RALGAPA2: variants seen among roughly 807,000 people sequenced by gnomAD.
The protein encoded by RALGAPA2 is Ral GTPase activating protein catalytic subunit alpha 2.
Under a neutral mutation model 230.4 loss-of-function variants are expected in RALGAPA2, and 139 were observed. That is an observed-to-expected ratio of 0.60 (90% CI 0.53 to 0.69). The LOEUF (loss-of-function observed/expected upper bound fraction) is 0.69. RALGAPA2 is among the 30% of genes least tolerant of loss of function. RALGAPA2 has a pLI of 0.00. For missense variants in RALGAPA2, 2,163 were observed against 2,276.0 expected, an observed-to-expected ratio of 0.95 and a Z score of 1.01; for synonymous variants, 847 against 837.8, an observed-to-expected ratio of 1.01 and a Z score of -0.19.
chr20:20,643,859 T>A (rs1487623026), intron 4 of RALGAPA2, among the ~76,000 whole-genome samples: 2 of 152,118 alleles, frequency 1.3e-5, no homozygotes, highest in Non-Finnish European at 2.9e-5. Context: ...TTTTTTAATC[T>A]CTAAAGGTAA....
At chr20:20,418,112 A>G (rs771102863) in intron 37 of RALGAPA2, among the ~76,000 whole-genome samples, 3 of 152,188 alleles carry the variant, frequency 2.0e-5, no homozygotes, top group Non-Finnish European at 2.9e-5. Context: ...ACGTGGGAGG[A>G]AGCATCTGCG....
At chr20:20,702,922 C>G (rs1466700658) in intron 1 of RALGAPA2, among the ~76,000 whole-genome samples, 1 of 152,154 alleles carries the variant, frequency 6.6e-6, no homozygotes, top group Non-Finnish European at 1.5e-5. Flanking sequence ...CCTGTAATCC[C>G]AGCAGTTTGG....
At chr20:20,495,654 C>A (rs2062185089) in intron 35 of RALGAPA2, among the ~76,000 whole-genome samples, 1 of 152,096 alleles carries the variant, frequency 6.6e-6, no homozygotes, top group South Asian at 2.1e-4. Context: ...TGCAGTTGTG[C>A]TTTATAAGAT....
chr20:20,468,361 T>C (rs942014618), intron 37 of RALGAPA2, among the ~76,000 whole-genome samples: 1 of 152,222 alleles, frequency 6.6e-6, no homozygotes, highest in African/African-American at 2.4e-5. Flanking sequence ...AACTCCATTC[T>C]GGCTGCCGCT....
At chr20:20,466,857 G>A (rs927824693) in intron 37 of RALGAPA2, among the ~76,000 whole-genome samples, 4 of 152,170 alleles carry the variant, frequency 2.6e-5, no homozygotes, top group Non-Finnish European at 5.9e-5. Flanking sequence ...AGTACATAAC[G>A]TTACATTTTG....
intron 37 of RALGAPA2, 53 bp downstream of exon 37, chr20:20,472,776 G>A (rs746646301): frequency 2.3e-5 from 36 of 1,555,954 alleles, no homozygotes; most frequent in East Asian, 1.1e-4. Flanking sequence ...AAACTGCCAG[G>A]AATCTTGATT....
chr20:20,709,783 T>C (rs1188180593), intron 1 of RALGAPA2, among the ~76,000 whole-genome samples: 1 of 152,222 alleles, frequency 6.6e-6, no homozygotes, highest in Non-Finnish European at 1.5e-5. Context: ...AATACTCTAC[T>C]TCCACAGCTA....
At chr20:20,470,472 C>T (rs914172029) in intron 37 of RALGAPA2, among the ~76,000 whole-genome samples, 5 of 152,182 alleles carry the variant, frequency 3.3e-5, no homozygotes, top group Non-Finnish European at 7.3e-5. Context: ...CCAGAGTAAA[C>T]TCCCACAGCT....
chr20:20,409,080 C>T (rs1206833734), intron 38 of RALGAPA2, among the ~76,000 whole-genome samples: 3 of 152,192 alleles, frequency 2.0e-5, no homozygotes, highest in Non-Finnish European at 4.4e-5. Flanking sequence ...ACGGCGCATC[C>T]TGAACGCAAG....
chr20:20,604,453 T>C (rs573683871), intron 15 of RALGAPA2, among the ~76,000 whole-genome samples: 16 of 152,324 alleles, frequency 1.1e-4, no homozygotes, highest in Middle Eastern at 3.4e-3. Context: ...TTTCTCCACG[T>C]TTCCTAGAGA....
In RALGAPA2 at chr20:20,389,589, A is replaced by G. The variant is rs150582673; in HGVS notation, c.*3700T>C. The G allele has an allele frequency of 5.9e-5, 9 of 152,372 alleles. No individual in the cohort carries two copies. Among genetic ancestry groups the G allele is most frequent in the African/African-American group, 2.2e-4 (9 of 41,588 alleles). The allele number at this position is 152,372 out of a possible 1,614,324, so 9.4% of individuals were successfully genotyped here. A position where few individuals can be genotyped will look rare whatever the true frequency, so the allele number is the denominator to read the frequency against. On this transcript the variant is annotated 3_prime_UTR_variant, in exon 40 of 40. Transcript: ENST00000202677. ...GCCAGGGTGAACTTTATTTTCTTAT[A>G]AACTATAATGAGAATGAGAGAAACA... is the stretch of plus-strand genomic sequence containing the variant.
intron 37 of RALGAPA2, among the ~76,000 whole-genome samples, chr20:20,453,472 T>C (rs2061036822): frequency 6.6e-6 from 1 of 152,206 alleles, no homozygotes; most frequent in African/African-American, 2.4e-5. Flanking sequence ...TTTGGGCTCC[T>C]AGCAGCATCT....
chr20:20,668,285 C>G lies in RALGAPA2; in HGVS notation c.270+7951G>C, dbSNP rs188007493. 2.6e-4 allele frequency among the ~76,000 whole-genome samples: 40 copies of G among 152,258 alleles called. No individual in the cohort carries two copies. The East Asian group carries it at 6.9e-3, about 26-fold the overall frequency. ...AGGCATGGTGGCAGGTGCCTGTAGTCCCAGCTACTTGGGAGGCTGAGGCAG... is the reference window on the plus strand; with the variant it reads ...AGGCATGGTGGCAGGTGCCTGTAGTGCCAGCTACTTGGGAGGCTGAGGCAG... On this transcript the variant is annotated intron_variant, in intron 3 of 39. Transcript: ENST00000202677.
At chr20:20,447,825 A>T (rs2060898784) in intron 37 of RALGAPA2, among the ~76,000 whole-genome samples, 3 of 152,162 alleles carry the variant, frequency 2.0e-5, no homozygotes, top group Non-Finnish European at 4.4e-5. Context: ...AGCCACATCG[A>T]CAGTATCTGA....
At chr20:20,534,825 T>C (rs2063458537) in intron 26 of RALGAPA2, among the ~76,000 whole-genome samples, 1 of 152,154 alleles carries the variant, frequency 6.6e-6, no homozygotes, top group African/African-American at 2.4e-5. Flanking sequence ...AGGCCATCAA[T>C]ATAAAAGCAA....
intron 3 of RALGAPA2, among the ~76,000 whole-genome samples, chr20:20,673,020 T>C (rs2068189306): frequency 6.6e-6 from 1 of 151,520 alleles, no homozygotes; most frequent in African/African-American, 2.4e-5. Flanking sequence ...CCGTCTCTAC[T>C]AAAAATACAA....
intron 1 of RALGAPA2, among the ~76,000 whole-genome samples, chr20:20,688,850 T>G (rs1269000163): frequency 6.6e-6 from 1 of 152,188 alleles, no homozygotes; most frequent in Non-Finnish European, 1.5e-5. Flanking sequence ...AGGTAAAACC[T>G]CTTACAATAA....
At chr20:20,562,128 C>T (rs2145844639) in intron 23 of RALGAPA2, among the ~76,000 whole-genome samples, 1 of 152,250 alleles carries the variant, frequency 6.6e-6, no homozygotes, top group African/African-American at 2.4e-5. Flanking sequence ...GCTTTGGTTA[C>T]CCATTCTTCC....
At chr20:20,458,664 C>T (rs2061197855) in intron 37 of RALGAPA2, among the ~76,000 whole-genome samples, 1 of 134,080 alleles carries the variant, frequency 7.5e-6, no homozygotes, top group Non-Finnish European at 1.6e-5. Flanking sequence ...CAGTAGAGCC[C>T]TCATTCAATA....
Sources: allele counts gnomAD v4.1 joint callset (sites outside exome capture counted in the v4.1 genomes callset), GRCh38; gene constraint gnomAD v4.1.1; transcripts MANE v1.5; gene names NCBI Gene and HGNC (gene_info 2026-07-23, HGNC 2026-07-21).